Variants in PLCB1 observed in about 807,000 individuals in gnomAD.
PLCB1 encodes the protein 1-phosphatidylinositol 4,5-bisphosphate phosphodiesterase beta-1.
In PLCB1, 46 loss-of-function variants were observed where a neutral mutation model predicts 161.8. The ratio of observed to expected loss-of-function variants is 0.28; its 90% CI spans 0.22 to 0.36. The LOEUF is 0.36. Among genes scored for constraint, PLCB1 ranks in the 10% least tolerant of loss-of-function variants. The probability of loss-of-function intolerance (pLI) is 1.00; values close to 1 mark genes in which losing one functional copy is unlikely to be tolerated. For missense variants in PLCB1, 1,016 were observed against 1,472.5 expected, an observed-to-expected ratio of 0.69 and a Z score of 5.07; for synonymous variants, 517 against 503.7, an observed-to-expected ratio of 1.03 and a Z score of -0.35.
intron 3 of PLCB1, among the ~76,000 whole-genome samples, chr20:8,563,912 C>T (rs1986236266): frequency 6.6e-6 from 1 of 152,086 alleles, no homozygotes; most frequent in Non-Finnish European, 1.5e-5. Context: ...TGAAAATGGC[C>T]ATACTGCCCA....
chr20:8,852,069 T>C (rs1286260959), intron 31 of PLCB1, among the ~76,000 whole-genome samples: 7 of 152,222 alleles, frequency 4.6e-5, no homozygotes, highest in Admixed American at 3.9e-4. Context: ...ATAGACTGTA[T>C]GACTGTTTAT....
At chr20:8,638,096 A>G (rs1348718196) in intron 4 of PLCB1, among the ~76,000 whole-genome samples, 1 of 152,116 alleles carries the variant, frequency 6.6e-6, no homozygotes, top group African/African-American at 2.4e-5. Flanking sequence ...GGGTTTCACC[A>G]TGTTAGCCAA....
chr20:8,542,118 A>G (rs1312489390), intron 3 of PLCB1, among the ~76,000 whole-genome samples: 1 of 152,190 alleles, frequency 6.6e-6, no homozygotes, highest in Non-Finnish European at 1.5e-5. Flanking sequence ...CCACAAGGCT[A>G]TGCTTTGTCT....
At chr20:8,576,893 C>G (rs536417324) in intron 3 of PLCB1, among the ~76,000 whole-genome samples, 20 of 152,022 alleles carry the variant, frequency 1.3e-4, no homozygotes, top group Non-Finnish European at 2.6e-4. Context: ...TTTTTCAAGT[C>G]TACGTGTGAT....
At chr20:8,863,791 C>G (rs1465655088) in intron 31 of PLCB1, among the ~76,000 whole-genome samples, 1 of 152,210 alleles carries the variant, frequency 6.6e-6, no homozygotes, top group East Asian at 1.9e-4. Flanking sequence ...TTTTTTCTAC[C>G]TCTGAAGAAG....
chr20:8,451,853 C>T (rs1218996796), intron 3 of PLCB1, among the ~76,000 whole-genome samples: 1 of 150,892 alleles, frequency 6.6e-6, no homozygotes, highest in Admixed American at 6.6e-5. Flanking sequence ...TTCCATCTCC[C>T]TCTTCTTCTT....
intron 26 of PLCB1, among the ~76,000 whole-genome samples, chr20:8,766,807 C>T (rs1053528847): frequency 6.6e-6 from 1 of 152,084 alleles, no homozygotes; most frequent in South Asian, 2.1e-4. Flanking sequence ...GCCTGAGCAG[C>T]ACCAGGTGAT....
intron 31 of PLCB1, among the ~76,000 whole-genome samples, chr20:8,868,612 A>C: frequency 6.6e-6 from 1 of 152,142 alleles, no homozygotes; most frequent in Non-Finnish European, 1.5e-5. Context: ...CCTGGATAGG[A>C]GGCAAGAATT....
At chr20:8,296,651 G>A (rs1288341927) in intron 2 of PLCB1, among the ~76,000 whole-genome samples, 3 of 152,140 alleles carry the variant, frequency 2.0e-5, no homozygotes, top group Non-Finnish European at 4.4e-5. Context: ...ATGTCTCCTT[G>A]TTTGGCATTC....
chr20:8,357,800 G>T (rs1488244770), intron 2 of PLCB1, among the ~76,000 whole-genome samples: 1 of 152,182 alleles, frequency 6.6e-6, no homozygotes, highest in African/African-American at 2.4e-5. Flanking sequence ...ATGTTTCTTA[G>T]TTCATCGCCC....
intron 3 of PLCB1, among the ~76,000 whole-genome samples, chr20:8,441,323 C>T (rs1980550337): frequency 6.6e-6 from 1 of 152,096 alleles, no homozygotes; most frequent in South Asian, 2.1e-4. Flanking sequence ...TACAGAAGAG[C>T]TTGATACCAG....
chr20:8,748,220 G>C (rs1340789291), intron 23 of PLCB1, among the ~76,000 whole-genome samples: 1 of 152,150 alleles, frequency 6.6e-6, no homozygotes, highest in Non-Finnish European at 1.5e-5. Context: ...ATACTGTACA[G>C]ATTTGGCATT....
intron 2 of PLCB1, among the ~76,000 whole-genome samples, chr20:8,229,528 CA>C (rs1449666098): frequency 6.6e-6 from 1 of 152,122 alleles, no homozygotes; most frequent in Admixed American, 6.6e-5. Context: ...ATTAAAAATT[CA>C]ATTCCTCCAT....
chr20:8,211,082 T>C (rs1270803858), intron 2 of PLCB1, among the ~76,000 whole-genome samples: 2 of 152,134 alleles, frequency 1.3e-5, no homozygotes, highest in Non-Finnish European at 2.9e-5. Flanking sequence ...GTGTGTATGA[T>C]GCAGGGAAAA....
chr20:8,139,703 G>A (rs1032327665), intron 1 of PLCB1, among the ~76,000 whole-genome samples: 5 of 152,134 alleles, frequency 3.3e-5, no homozygotes, highest in African/African-American at 9.7e-5. Flanking sequence ...ACCATAGAGC[G>A]AATCAGCAAT....
intron 2 of PLCB1, among the ~76,000 whole-genome samples, chr20:8,197,616 T>C (rs541883989): frequency 6.6e-6 from 1 of 152,324 alleles, no homozygotes; most frequent in East Asian, 1.9e-4. Context: ...GGTTGCCTGT[T>C]CACTCTGATA....
chr20:8,321,272 T>C (rs1984908492), intron 2 of PLCB1, among the ~76,000 whole-genome samples: 1 of 152,176 alleles, frequency 6.6e-6, no homozygotes, highest in Non-Finnish European at 1.5e-5. Context: ...TGTAAACACA[T>C]GTGAGAAAAA....
chr20:8,871,810 ATT>A (rs754188732), intron 31 of PLCB1, among the ~76,000 whole-genome samples: 27 of 152,272 alleles, frequency 1.8e-4, no homozygotes, highest in Non-Finnish European at 2.6e-4. Context: ...GCTGTAAGTG[ATT>A]TTTTCTCTCT....
In PLCB1 at chr20:8,490,861, C is replaced by CATATAT. The variant is rs111442214; in HGVS notation, c.246+119422_246+119427dup. ...AGAGTTGTTGGCTCATATATATAGG[C>CATATAT]ATATATATATATATATGTACACATA... On this transcript the variant is annotated intron_variant, in intron 3 of 31. Coordinates refer to ENST00000338037, the MANE Select transcript of PLCB1 (RefSeq NM_015192.4). Among the ~76,000 whole-genome samples the CATATAT allele has an allele frequency of 3.7e-3, 528 of 141,886 alleles. 3 individuals carry two copies. The highest frequency in any genetic ancestry group is 9.5e-3 in the African/African-American group (379 of 39,686). The allele number at this position is 141,886 out of a possible 152,430, so 93.1% of individuals were successfully genotyped here. A position where few individuals can be genotyped will look rare whatever the true frequency, so the allele number is the denominator to read the frequency against.
Sources: gnomAD v4.1 joint callset for allele counts (sites outside exome capture counted in the v4.1 genomes callset) on GRCh38, gnomAD v4.1.1 for gene constraint, MANE v1.5 for transcripts, NCBI Gene and HGNC (gene_info 2026-07-23, HGNC 2026-07-21) for gene names.